QTGAL: variants seen among roughly 807,000 people sequenced by gnomAD.
QTGAL encodes BGnT-like protein 1.
the QTGAL span, among the ~76,000 whole-genome samples, chr17:82,995,894 G>A: frequency 0.012 from 1,836 of 149,756 alleles, 42 homozygotes; most frequent in African/African-American, 0.043. Flanking sequence ...AAAATAAAAT[G>A]CCTAGGAATT....
At chr17:82,982,757 G>C in the QTGAL span, among the ~76,000 whole-genome samples, 40 of 152,238 alleles carry the variant, frequency 2.6e-4, 1 homozygote, top group Admixed American at 1.6e-3. Context: ...AGTTTCTCCG[G>C]GTGATGGGAC....
At chr17:82,954,343 A>G in the QTGAL span, among the ~76,000 whole-genome samples, 1 of 152,134 alleles carries the variant, frequency 6.6e-6, no homozygotes, top group Non-Finnish European at 1.5e-5. Flanking sequence ...ATTCCTATAC[A>G]CCAATAATAG....
the QTGAL span, among the ~76,000 whole-genome samples, chr17:82,954,566 T>G: frequency 6.6e-6 from 1 of 152,006 alleles, no homozygotes. Context: ...ATAAAATAAT[T>G]TATAGATTCA....
the QTGAL span, among the ~76,000 whole-genome samples, chr17:83,002,616 C>G: frequency 1.5e-3 from 221 of 152,312 alleles, 1 homozygote; most frequent in Middle Eastern, 0.01. Context: ...ATGGCAGGGA[C>G]AAGCCACCCA....
chr17:82,997,947 A>ATCTATC, the QTGAL span, among the ~76,000 whole-genome samples: 125 of 147,374 alleles, frequency 8.5e-4, no homozygotes, highest in African/African-American at 2.9e-3. Context: ...ATATATATAT[A>ATCTATC]TCTATATCTA....
chr17:82,991,843 TA>T, the QTGAL span, among the ~76,000 whole-genome samples: 1 of 152,060 alleles, frequency 6.6e-6, no homozygotes, highest in Non-Finnish European at 1.5e-5. Flanking sequence ...GAATTCTATT[TA>T]AAAAAATTAA....
the QTGAL span, among the ~76,000 whole-genome samples, chr17:82,982,371 G>C: frequency 2.0e-5 from 3 of 152,190 alleles, 1 homozygote; most frequent in South Asian, 4.2e-4. Context: ...AAATGTACTT[G>C]CAAGTTTTAT....
chr17:83,006,456 C>T, the QTGAL span: 1 of 984,536 alleles, frequency 1.0e-6, no homozygotes, highest in African/African-American at 1.7e-5. The surrounding 1 kb of genome is among the most constrained non-coding windows in gnomAD (Gnocchi z 5.8). Context: ...ACCCTCTGTG[C>T]CCTTCACCAC....
chr17:83,029,515 G>A, the QTGAL span, among the ~76,000 whole-genome samples: 1 of 152,306 alleles, frequency 6.6e-6, no homozygotes, highest in East Asian at 1.9e-4. Flanking sequence ...AGAAGACCGA[G>A]CTGGCTCTTG....
chr17:83,024,246 A>C, the QTGAL span, among the ~76,000 whole-genome samples: 1 of 151,146 alleles, frequency 6.6e-6, no homozygotes, highest in East Asian at 1.9e-4. Flanking sequence ...GGTCCCGGCC[A>C]CAGCTCCTGG....
At chr17:82,993,641 A>ACTAT in the QTGAL span, among the ~76,000 whole-genome samples, 6 of 152,160 alleles carry the variant, frequency 3.9e-5, no homozygotes, top group Non-Finnish European at 5.9e-5. Flanking sequence ...TGGACCTAAT[A>ACTAT]GATATTTACA....
chr17:82,953,706 T>C, the QTGAL span, among the ~76,000 whole-genome samples: 1 of 152,072 alleles, frequency 6.6e-6, no homozygotes, highest in African/African-American at 2.4e-5. Context: ...ACAAAAAAAA[T>C]TTCAGGCCAA....
chr17:83,045,382 A>G, the QTGAL span, among the ~76,000 whole-genome samples: 1 of 152,230 alleles, frequency 6.6e-6, no homozygotes, highest in African/African-American at 2.4e-5. Context: ...ATCTACTTAC[A>G]AAAGAATGAA....
At chr17:83,015,628 G>C in the QTGAL span, among the ~76,000 whole-genome samples, 1 of 152,346 alleles carries the variant, frequency 6.6e-6, no homozygotes, top group South Asian at 2.1e-4. The surrounding 1 kb of genome is among the most constrained non-coding windows in gnomAD (Gnocchi z 4.4). Context: ...CAATTCCCGG[G>C]GAAGCGGGCT....
At chr17:83,029,196 A>G in the QTGAL span, among the ~76,000 whole-genome samples, 4 of 152,238 alleles carry the variant, frequency 2.6e-5, no homozygotes, top group Non-Finnish European at 5.9e-5. Flanking sequence ...CAAATTTCAC[A>G]CGGAAATCCT....
the QTGAL span, among the ~76,000 whole-genome samples, chr17:83,034,689 A>C: frequency 0.31 from 46,949 of 151,966 alleles, 7,953 homozygotes; most frequent in African/African-American, 0.45. Context: ...GGGGGCGGGC[A>C]TTTCTGTTCT....
the QTGAL span, among the ~76,000 whole-genome samples, chr17:82,977,235 G>A: frequency 6.6e-6 from 1 of 152,354 alleles, no homozygotes; most frequent in East Asian, 1.9e-4. Flanking sequence ...TACAGGCCGC[G>A]AAGTCGGAAC....
the QTGAL span, among the ~76,000 whole-genome samples, chr17:83,041,221 G>GA: frequency 5.3e-5 from 8 of 151,914 alleles, no homozygotes; most frequent in Non-Finnish European, 1.0e-4. Context: ...GAAGAATGAA[G>GA]AAAGTGAAAA....
At chr17:83,005,538 G>A in the QTGAL span, 1 of 700,120 alleles carries the variant, frequency 1.4e-6, no homozygotes, top group Middle Eastern at 2.3e-4. The surrounding 1 kb of genome is among the most constrained non-coding windows in gnomAD (Gnocchi z 5.6). Flanking sequence ...CAAATCAAAT[G>A]GCCCATATGC....
Sources: gnomAD v4.1 joint callset for allele counts (sites outside exome capture counted in the v4.1 genomes callset) on GRCh38, gnomAD v4.1.1 for gene constraint, Gnocchi (gnomAD v3.1) non-coding constraint, MANE v1.5 for transcripts, NCBI Gene and HGNC (gene_info 2026-07-23, HGNC 2026-07-21) for gene names.